SLC9A2: variants seen among roughly 807,000 people sequenced by gnomAD.
SLC9A2 encodes solute carrier family 9 member A2, also known as sodium/hydrogen exchanger 2.
Under a neutral mutation model 71.7 loss-of-function variants are expected in SLC9A2, and 42 were observed. The ratio of observed to expected loss-of-function variants is 0.59; its 90% CI spans 0.46 to 0.76. The LOEUF is 0.76. Among genes scored for constraint, SLC9A2 ranks in the 30% least tolerant of loss-of-function variants. SLC9A2 has a pLI of 0.00. For missense variants in SLC9A2, 829 were observed against 1,017.4 expected (o/e 0.81, Z 2.52); for synonymous variants, 396 against 392.5 (o/e 1.01, Z -0.10).
intron 3 of SLC9A2, among the ~76,000 whole-genome samples, chr2:102,677,779 G>A (rs1677369532): frequency 6.6e-6 from 1 of 152,100 alleles, no homozygotes; most frequent in Non-Finnish European, 1.5e-5. Context: ...TTATGTGATT[G>A]AAATTATAAT....
At chr2:102,661,068 GTAGAT>G (rs1484516894) in intron 2 of SLC9A2, among the ~76,000 whole-genome samples, 3 of 152,178 alleles carry the variant, frequency 2.0e-5, no homozygotes, top group African/African-American at 4.8e-5. Flanking sequence ...CAGGGCTGTA[GTAGAT>G]TAGAAGTAAC....
At chr2:102,637,125 T>C (rs1676482187) in intron 1 of SLC9A2, among the ~76,000 whole-genome samples, 1 of 152,228 alleles carries the variant, frequency 6.6e-6, no homozygotes, top group African/African-American at 2.4e-5. Context: ...CTGTGAGACC[T>C]ATACCTGCAG....
At chr2:102,703,476 C>G (rs960116862) in intron 9 of SLC9A2, among the ~76,000 whole-genome samples, 3 of 152,168 alleles carry the variant, frequency 2.0e-5, no homozygotes, top group African/African-American at 7.2e-5. Flanking sequence ...GTTTTTAAGG[C>G]TCCCCCAACA....
intron 1 of SLC9A2, among the ~76,000 whole-genome samples, chr2:102,624,452 T>C (rs1676205953): frequency 1.3e-5 from 2 of 152,230 alleles, no homozygotes; most frequent in South Asian, 4.1e-4. Flanking sequence ...CTGATGTGTT[T>C]TAAGATTGCC....
chr2:102,701,286 T>C (rs1307495434), intron 8 of SLC9A2, 55 bp downstream of exon 8: 2 of 1,247,160 alleles, frequency 1.6e-6, no homozygotes, highest in Non-Finnish European at 2.2e-6. Context: ...ATTGATAGTA[T>C]TTTGAAACTG....
At chr2:102,642,036 TTAAAA>T (rs932547390) in intron 1 of SLC9A2, among the ~76,000 whole-genome samples, 33 of 115,598 alleles carry the variant, frequency 2.9e-4, no homozygotes, top group African/African-American at 1.1e-3. Flanking sequence ...ACCCTAGAAC[TTAAAA>T]TATAATAATA....
At chr2:102,695,809 TATATA>T in intron 7 of SLC9A2, among the ~76,000 whole-genome samples, 1 of 101,168 alleles carries the variant, frequency 9.9e-6, no homozygotes, top group Non-Finnish European at 2.0e-5. Flanking sequence ...ATTATATATA[TATATA>T]ATATATATAT....
rs749391564 is a variant in SLC9A2, at chr2:102,684,275, C to A, written c.1364C>A (p.Pro455His). The A allele has an allele frequency of 6.2e-7, 1 of 1,614,098 alleles. No individual in the cohort carries two copies. Among genetic ancestry groups the A allele is most frequent in the Non-Finnish European group, 8.5e-7 (1 of 1,180,016 alleles). The part of the protein sequence containing the change: ...LVFLLPAAVF[P>H]RKKLFITAAI... ...TTTCTCCTTCCTGCTGCTGTGTTTCCTCGGAAAAAATTGTTTATTACGGCT... is the reference window on the plus strand; with the variant it reads ...TTTCTCCTTCCTGCTGCTGTGTTTCATCGGAAAAAATTGTTTATTACGGCT... The change falls in exon 5 of 12, where the codon CCT becomes CAT. Residue 455 changes from proline (P) to histidine (H), a missense_variant. Physicochemically the swap from Pro to His is moderately conservative, Grantham distance 77. This residue lies in a region of SLC9A2 where 500 missense variants were observed against 726.3 expected (regional missense o/e 0.69). Coordinates refer to ENST00000233969, the MANE Select transcript of SLC9A2 (RefSeq NM_003048.6).
At chr2:102,693,973 CTAT>C (rs56994570) in intron 5 of SLC9A2, among the ~76,000 whole-genome samples, 2 of 151,926 alleles carry the variant, frequency 1.3e-5, no homozygotes, top group African/African-American at 4.8e-5. Context: ...ATTATTATTA[CTAT>C]TATTATTATT....
intron 1 of SLC9A2, among the ~76,000 whole-genome samples, chr2:102,651,630 C>G (rs1245076661): frequency 6.6e-6 from 1 of 152,216 alleles, no homozygotes; most frequent in Non-Finnish European, 1.5e-5. Context: ...TCACTGCTCT[C>G]TGCTTTTGTC....
chr2:102,630,530 A>T (rs1053329252), intron 1 of SLC9A2, among the ~76,000 whole-genome samples: 1 of 151,966 alleles, frequency 6.6e-6, no homozygotes, highest in African/African-American at 2.4e-5. Context: ...GTGTCTAAGT[A>T]TAGATTTACT....
At chr2:102,692,736 A>T (rs1677688243) in intron 5 of SLC9A2, among the ~76,000 whole-genome samples, 2 of 152,212 alleles carry the variant, frequency 1.3e-5, no homozygotes, top group Non-Finnish European at 2.9e-5. Context: ...AAGTTATGTT[A>T]AAAGTCTTCA....
intron 3 of SLC9A2, among the ~76,000 whole-genome samples, chr2:102,667,130 C>T (rs1677156252): frequency 6.6e-6 from 1 of 152,118 alleles, no homozygotes; most frequent in African/African-American, 2.4e-5. Flanking sequence ...ACAGAGAAAC[C>T]TAAATAAAGC....
At chr2:102,623,870 T>G (rs1676192496) in intron 1 of SLC9A2, among the ~76,000 whole-genome samples, 1 of 151,968 alleles carries the variant, frequency 6.6e-6, no homozygotes, top group South Asian at 2.1e-4. Context: ...TTGTAGGGGG[T>G]TTAAATAATG....
intron 3 of SLC9A2, among the ~76,000 whole-genome samples, chr2:102,667,230 A>C (rs192466026): frequency 1.8e-3 from 271 of 151,910 alleles, no homozygotes; most frequent in Non-Finnish European, 3.1e-3. Context: ...CAGTTTCCTC[A>C]CTCTTCTTTG....
intron 2 of SLC9A2, among the ~76,000 whole-genome samples, chr2:102,663,259 G>T (rs1050549280): frequency 1.3e-5 from 2 of 152,092 alleles, no homozygotes; most frequent in Admixed American, 1.3e-4. Context: ...ATTTCTTGGT[G>T]GTAGGATGGC....
intron 3 of SLC9A2, among the ~76,000 whole-genome samples, chr2:102,681,056 C>T (rs962207): frequency 0.65 from 99,455 of 152,018 alleles, 33,158 homozygotes; most frequent in East Asian, 0.86. Flanking sequence ...AGATGGAAAT[C>T]TGCATTGTTT....
rs1478468683 is a variant in SLC9A2, at chr2:102,710,680, CCT to C, written c.*2194_*2195del. 1 of 152,062 alleles carries C rather than the reference CCT, an allele frequency of 6.6e-6. No homozygotes were observed. The highest frequency in any genetic ancestry group is 1.5e-5 in the Non-Finnish European group (1 of 67,986). The allele number at this position is 152,062 out of a possible 1,614,324, so 9.4% of individuals were successfully genotyped here. A position where few individuals can be genotyped will look rare whatever the true frequency, so the allele number is the denominator to read the frequency against. ...GACTTTAGCTTTTTTTCTATACTTTCCTCTTTTTGTAATTCTTAAATTCTAGT... is the reference window on the plus strand; with the variant it reads ...GACTTTAGCTTTTTTTCTATACTTTCCTTTTTGTAATTCTTAAATTCTAGT... On this transcript the variant is annotated 3_prime_UTR_variant, in exon 12 of 12. Coordinates refer to ENST00000233969, the MANE Select transcript of SLC9A2 (RefSeq NM_003048.6).
intron 1 of SLC9A2, among the ~76,000 whole-genome samples, chr2:102,639,584 G>A (rs552822271): frequency 6.6e-6 from 1 of 152,322 alleles, no homozygotes; most frequent in South Asian, 2.1e-4. Context: ...ATATTTGTAA[G>A]TGAACAATTC....
Sources: allele counts gnomAD v4.1 joint callset (sites outside exome capture counted in the v4.1 genomes callset), GRCh38; gene constraint gnomAD v4.1.1; regional missense constraint gnomAD v4.1.1; transcripts MANE v1.5; gene names NCBI Gene and HGNC (gene_info 2026-07-23, HGNC 2026-07-21).